Variants in DOK6 observed in about 807,000 individuals in gnomAD.
DOK6 encodes the protein docking protein 6, also known as downstream of tyrosine kinase 6.
In DOK6, 22 loss-of-function variants were observed where a neutral mutation model predicts 44.0. The observed-to-expected ratio is 0.50, with a 90% CI of 0.36 to 0.71. DOK6 has a LOEUF of 0.71. Ranked by LOEUF, DOK6 falls within the 30% of genes least tolerant of loss-of-function variation. The pLI, the probability that DOK6 is intolerant of heterozygous loss-of-function variation, is 0.00. For synonymous variants in DOK6, 166 were observed against 145.5 expected, an observed-to-expected ratio of 1.14 and a Z score of -1.01; for missense variants, 340 against 416.4, an observed-to-expected ratio of 0.82 and a Z score of 1.60.
chr18:69,530,944 G>A (rs1189786005), intron 1 of DOK6, among the ~76,000 whole-genome samples: 8 of 152,030 alleles, frequency 5.3e-5, no homozygotes, highest in Non-Finnish European at 1.2e-4. Flanking sequence ...AAATCTGGGT[G>A]CTCCTGTATT....
intron 3 of DOK6, among the ~76,000 whole-genome samples, chr18:69,637,732 C>T (rs1984840861): frequency 2.2e-5 from 1 of 46,366 alleles, no homozygotes; most frequent in Non-Finnish European, 7.1e-5. Context: ...ATAATATTCT[C>T]TCTCTTTTTT....
intron 7 of DOK6, among the ~76,000 whole-genome samples, chr18:69,828,804 G>T (rs1306644157): frequency 7.1e-6 from 1 of 141,594 alleles, no homozygotes; most frequent in African/African-American, 2.5e-5. Context: ...AAGAATAGTT[G>T]CATATCCACT....
chr18:69,481,033 G>T (rs1300307498), intron 1 of DOK6, among the ~76,000 whole-genome samples: 1 of 152,074 alleles, frequency 6.6e-6, no homozygotes. Flanking sequence ...TAAATTCAGT[G>T]CCAGAGGAGT....
rs371246021 is a variant in DOK6, at chr18:69,757,737, A to T, written c.739-19A>T. On this transcript the variant is annotated intron_variant, in intron 6 of 7. Transcript: ENST00000382713. ...AATATTTTAAAACGAGGCCTAAAAC[A>T]CATTCTTTTCTCTTTTAGCTTCAGA... The T allele has an allele frequency of 1.4e-4, 232 of 1,605,572 alleles. No individual in the cohort carries two copies. Among genetic ancestry groups the T allele is most frequent in the Middle Eastern group, 3.3e-4 (2 of 6,074 alleles).
chr18:69,605,076 T>TTGTGTGTG (rs71176987), intron 3 of DOK6, among the ~76,000 whole-genome samples: 2,382 of 125,790 alleles, frequency 0.019, 35 homozygotes, highest in African/African-American at 0.036. Flanking sequence ...AGAGATCCCT[T>TTGTGTGTG]TGTGTGTGTG....
chr18:69,575,942 CA>C (rs571238568), intron 2 of DOK6, among the ~76,000 whole-genome samples: 7 of 151,208 alleles, frequency 4.6e-5, no homozygotes, highest in African/African-American at 1.7e-4. Flanking sequence ...GCCATCAAGG[CA>C]AAAAAAATCA....
intron 7 of DOK6, among the ~76,000 whole-genome samples, chr18:69,805,283 A>G (rs946230698): frequency 8.5e-5 from 13 of 152,170 alleles, no homozygotes; most frequent in Admixed American, 8.5e-4. Flanking sequence ...GTTCATGAGC[A>G]TGTATAGGTT....
At chr18:69,596,737 A>G (rs143718441) in intron 2 of DOK6, among the ~76,000 whole-genome samples, 2 of 152,304 alleles carry the variant, frequency 1.3e-5, no homozygotes, top group Middle Eastern at 3.4e-3. Context: ...GTAACAAAAA[A>G]CAGTATCAGT....
chr18:69,420,284 T>C (rs1278852135), intron 1 of DOK6, among the ~76,000 whole-genome samples: 1 of 152,098 alleles, frequency 6.6e-6, no homozygotes, highest in Non-Finnish European at 1.5e-5. Context: ...TCTTTATGTA[T>C]ATATTTGTCT....
chr18:69,563,916 T>C (rs903373572), intron 1 of DOK6, among the ~76,000 whole-genome samples: 1 of 152,214 alleles, frequency 6.6e-6, no homozygotes, highest in South Asian at 2.1e-4. Flanking sequence ...GAGTATTAAA[T>C]ATGTATATAA....
At chr18:69,450,934 C>T (rs965318988) in intron 1 of DOK6, among the ~76,000 whole-genome samples, 6 of 149,560 alleles carry the variant, frequency 4.0e-5, no homozygotes, top group South Asian at 4.5e-4. Context: ...AAGGAACAAC[C>T]GGTACCAGCC....
intron 3 of DOK6, among the ~76,000 whole-genome samples, chr18:69,665,972 A>C (rs774436228): frequency 6.6e-6 from 1 of 151,984 alleles, no homozygotes; most frequent in Non-Finnish European, 1.5e-5. Flanking sequence ...GCAGACCTTG[A>C]CTCTGAGATG....
At chr18:69,667,965 A>T (rs938232170) in intron 3 of DOK6, among the ~76,000 whole-genome samples, 6 of 152,172 alleles carry the variant, frequency 3.9e-5, no homozygotes, top group Non-Finnish European at 1.5e-5. Flanking sequence ...AACTAATAAG[A>T]ATCTGAGAAT....
At chr18:69,610,827 A>C (rs1984120790) in intron 3 of DOK6, among the ~76,000 whole-genome samples, 1 of 152,230 alleles carries the variant, frequency 6.6e-6, no homozygotes, top group Non-Finnish European at 1.5e-5. Context: ...CAATCACTGC[A>C]GGATTTTATG....
chr18:69,814,077 C>T (rs906761109), intron 7 of DOK6, among the ~76,000 whole-genome samples: 9 of 149,112 alleles, frequency 6.0e-5, no homozygotes, highest in African/African-American at 2.3e-4. Context: ...GTGTCTGACC[C>T]AGGGAGGGCT....
In DOK6 at chr18:69,814,904, C is replaced by T. The variant is rs576280944; in HGVS notation, c.857-26340C>T. 1.7e-4 allele frequency among the ~76,000 whole-genome samples: 26 copies of T among 151,908 alleles called. 1 individual carries two copies. In the South Asian group the frequency reaches 3.5e-3, roughly 21 times the overall value. ...GAGCCAAACCATATCAGGTGTCATG[C>T]GACTAGCAGAGTTTGAGTGTCCAGA... is the stretch of plus-strand genomic sequence containing the variant. On this transcript the variant is annotated intron_variant, in intron 7 of 7. Coordinates refer to ENST00000382713, the MANE Select transcript of DOK6 (RefSeq NM_152721.6).
chr18:69,591,333 T>C (rs1983617330), intron 2 of DOK6, among the ~76,000 whole-genome samples: 1 of 152,098 alleles, frequency 6.6e-6, no homozygotes, highest in South Asian at 2.1e-4. Context: ...GTCACAAGCC[T>C]AACAGTTACT....
chr18:69,816,999 C>T (rs1400195898), intron 7 of DOK6, among the ~76,000 whole-genome samples: 1 of 152,176 alleles, frequency 6.6e-6, no homozygotes, highest in Non-Finnish European at 1.5e-5. Context: ...TCACACATTT[C>T]TTTTTGCCCA....
intron 1 of DOK6, among the ~76,000 whole-genome samples, chr18:69,521,975 T>A (rs575720508): frequency 1.4e-4 from 21 of 152,022 alleles, no homozygotes; most frequent in Admixed American, 1.3e-3. Flanking sequence ...ACTGTTTAGA[T>A]TAATGTCTTG....
Sources: allele counts gnomAD v4.1 joint callset (sites outside exome capture counted in the v4.1 genomes callset), GRCh38; gene constraint gnomAD v4.1.1; transcripts MANE v1.5; gene names NCBI Gene and HGNC (gene_info 2026-07-23, HGNC 2026-07-21).